DPYSL2: variants seen among roughly 807,000 people sequenced by gnomAD.
DPYSL2 encodes the protein dihydropyrimidinase-related protein 2.
Under a neutral mutation model 69.9 loss-of-function variants are expected in DPYSL2, and 13 were observed. The ratio of observed to expected loss-of-function variants is 0.19; its 90% CI spans 0.12 to 0.30. The LOEUF is 0.30. DPYSL2 is among the 10% of genes least tolerant of loss of function. The probability of loss-of-function intolerance (pLI) is 1.00; values close to 1 mark genes in which losing one functional copy is unlikely to be tolerated. For synonymous variants in DPYSL2, 326 were observed against 359.1 expected, an observed-to-expected ratio of 0.91 and a Z score of 1.04; for missense variants, 587 against 918.9, an observed-to-expected ratio of 0.64 and a Z score of 4.67.
Position 26,583,949 on chromosome 8 carries a change from C to T in DPYSL2, c.594C>T (p.Thr198=). 1 of 1,614,076 alleles carries T rather than the reference C, an allele frequency of 6.2e-7. No individual in the cohort carries two copies. Among genetic ancestry groups the T allele is most frequent in the Non-Finnish European group, 8.5e-7 (1 of 1,179,992 alleles). ...CTGCTGATGATTTCTTCCAAGGAAC[C>T]AAGGCGGCCCTGGCTGGGGGAACCA... ...MTSADDFFQG[T]KAALAGGTTM... is the part of the protein sequence containing the mutation. Residue 198 remains threonine (T), a synonymous_variant, in exon 3 of 14, where the codon ACC becomes ACT. Coordinates refer to ENST00000521913, the MANE Select transcript of DPYSL2 (RefSeq NM_001197293.3).
intron 1 of DPYSL2, among the ~76,000 whole-genome samples, chr8:26,538,500 G>A (rs1800631654): frequency 1.3e-5 from 2 of 152,158 alleles, no homozygotes; most frequent in African/African-American, 2.4e-5. Flanking sequence ...GAGGACCTCA[G>A]TGGTCCTCAT....
intron 3 of DPYSL2, among the ~76,000 whole-genome samples, chr8:26,590,936 C>T (rs974957580): frequency 5.9e-5 from 9 of 152,244 alleles, no homozygotes; most frequent in Non-Finnish European, 1.2e-4. Flanking sequence ...AACTTCTAGG[C>T]CCTTCCAGAA....
chr8:26,554,709 C>CT (rs1800917638), intron 1 of DPYSL2, among the ~76,000 whole-genome samples: 1 of 152,048 alleles, frequency 6.6e-6, no homozygotes, highest in East Asian at 1.9e-4. Context: ...GTAAATCATA[C>CT]CAATTCTCTA....
At position 26,517,663 on chromosome 8, in the gene DPYSL2, C is replaced by A. The variant is rs763579989; in HGVS notation, c.354+2984C>A. On this transcript the variant is annotated intron_variant, in intron 1 of 13. Transcript: ENST00000521913. The surrounding 1 kb of genome is among the most constrained non-coding windows in gnomAD (Gnocchi z 4.2). The stretch of plus-strand genomic sequence containing the variant: ...GCGTAGCCAGAACCAGTGGCTCCAC[C>A]AGCAATACTGGACCATAAGAATGCT... 2.0e-5 allele frequency among the ~76,000 whole-genome samples: 3 copies of A among 152,176 alleles called. No homozygotes were observed. Among genetic ancestry groups the A allele is most frequent in the Non-Finnish European group, 4.4e-5 (3 of 68,042 alleles).
At chr8:26,522,824 A>G (rs183508743) in intron 1 of DPYSL2, among the ~76,000 whole-genome samples, 2 of 152,260 alleles carry the variant, frequency 1.3e-5, no homozygotes, top group East Asian at 3.9e-4. Flanking sequence ...GATGGTATGC[A>G]AAAGTTTTAA....
chr8:26,615,748 A>G (rs988601802), intron 3 of DPYSL2, among the ~76,000 whole-genome samples: 6 of 152,294 alleles, frequency 3.9e-5, no homozygotes, highest in Admixed American at 2.6e-4. Flanking sequence ...GCTGGGATGT[A>G]TGTTATTTTT....
At chr8:26,536,579 G>T (rs1800596219) in intron 1 of DPYSL2, among the ~76,000 whole-genome samples, 1 of 152,134 alleles carries the variant, frequency 6.6e-6, no homozygotes, top group East Asian at 1.9e-4. Flanking sequence ...GCTGAAAAGG[G>T]AGAATCGCCT....
In DPYSL2 at chr8:26,577,983, C is replaced by T. The variant is rs2129715495; in HGVS notation, c.355-3986C>T. The T allele has an allele frequency of 4.6e-6, 6 of 1,312,630 alleles. No homozygotes were observed. The South Asian group carries it at 1.0e-4, about 22-fold the overall frequency. The allele number at this position is 1,312,630 out of a possible 1,614,324, so 81.3% of individuals were successfully genotyped here. A position where few individuals can be genotyped will look rare whatever the true frequency, so the allele number is the denominator to read the frequency against. Reference sequence around the variant, plus strand: ...ATTTCCACCCCCTTCCCTCCTGTTTCTCTCTCTCCTTCTCTCTCTCTCTCT... The same window carrying T: ...ATTTCCACCCCCTTCCCTCCTGTTTTTCTCTCTCCTTCTCTCTCTCTCTCT... On this transcript the variant is annotated intron_variant, in intron 1 of 13. Transcript: ENST00000521913.
chr8:26,544,411 T>G (rs1228980214), intron 1 of DPYSL2, among the ~76,000 whole-genome samples: 1 of 152,240 alleles, frequency 6.6e-6, no homozygotes. Context: ...ATATGAATTT[T>G]ACAAAAGGAT....
intron 1 of DPYSL2, among the ~76,000 whole-genome samples, chr8:26,552,375 A>G (rs1800885315): frequency 6.6e-6 from 1 of 152,232 alleles, no homozygotes; most frequent in Non-Finnish European, 1.5e-5. Context: ...ACAGAAGAAA[A>G]GAAATAATAA....
Position 26,644,875 on chromosome 8 carries a change from A to G in DPYSL2, c.1425+784A>G, listed in dbSNP as rs1367884131. On this transcript the variant is annotated intron_variant, in intron 10 of 13. Transcript: ENST00000521913. The surrounding 1 kb of genome is among the most constrained non-coding windows in gnomAD (Gnocchi z 4.5). ...CTTTAGAGGATCTTTGGGCTTTTTCATTTTAATGTTTTAAAATATATTAAC... is the reference window on the plus strand; with the variant it reads ...CTTTAGAGGATCTTTGGGCTTTTTCGTTTTAATGTTTTAAAATATATTAAC... Among the ~76,000 whole-genome samples, 2 of 152,120 alleles carry G rather than the reference A, an allele frequency of 1.3e-5. No homozygotes were observed. The highest frequency in any genetic ancestry group is 2.9e-5 in the Non-Finnish European group (2 of 68,014).
chr8:26,525,178 G>A (rs1808456327), intron 1 of DPYSL2, among the ~76,000 whole-genome samples: 1 of 152,022 alleles, frequency 6.6e-6, no homozygotes, highest in Non-Finnish European at 1.5e-5. Context: ...TTATTTACCT[G>A]TGCTTTCTCC....
intron 1 of DPYSL2, among the ~76,000 whole-genome samples, chr8:26,528,136 G>A (rs1808511211): frequency 6.6e-6 from 1 of 152,086 alleles, no homozygotes; most frequent in African/African-American, 2.4e-5. Flanking sequence ...ACTGCCTCAC[G>A]CAACCTGGCA....
At chr8:26,589,594 G>A (rs980309227) in intron 3 of DPYSL2, among the ~76,000 whole-genome samples, 2 of 152,246 alleles carry the variant, frequency 1.3e-5, no homozygotes, top group Non-Finnish European at 2.9e-5. Context: ...GATGGAAGCT[G>A]TCGCTTGCTC....
In DPYSL2 at chr8:26,614,088, C is replaced by T. The variant is rs1802295537; in HGVS notation, c.629-10055C>T. The stretch of plus-strand genomic sequence containing the variant: ...AAGGCTGCGGTCAGCCAGATTGCAC[C>T]ACAGCATTCCGGCTTGGGTGACAGA... On this transcript the variant is annotated intron_variant, in intron 3 of 13. Transcript: ENST00000521913. The surrounding 1 kb of genome is among the most constrained non-coding windows in gnomAD (Gnocchi z 4.9). 6.6e-6 allele frequency among the ~76,000 whole-genome samples: 1 copy of T among 152,128 alleles called. No individual in the cohort carries two copies. Among genetic ancestry groups the T allele is most frequent in the Admixed American group, 6.5e-5 (1 of 15,282 alleles).
At chr8:26,594,457 T>C (rs913659094) in intron 3 of DPYSL2, among the ~76,000 whole-genome samples, 1 of 152,304 alleles carries the variant, frequency 6.6e-6, no homozygotes, top group South Asian at 2.1e-4. Flanking sequence ...AAATCTACCA[T>C]CTATCTATTT....
chr8:26,628,298 G>T (rs1429680407), intron 7 of DPYSL2, among the ~76,000 whole-genome samples: 1 of 152,216 alleles, frequency 6.6e-6, no homozygotes, highest in Non-Finnish European at 1.5e-5. Flanking sequence ...TCACCAAAAC[G>T]TAGTTGGAAG....
intron 3 of DPYSL2, among the ~76,000 whole-genome samples, chr8:26,600,687 A>T (rs1801970901): frequency 1.3e-5 from 2 of 152,072 alleles, no homozygotes; most frequent in Admixed American, 1.3e-4. Context: ...GAGAATGAGT[A>T]CCTGCAACCA....
chr8:26,650,859 C>T lies in DPYSL2; in HGVS notation c.1597-1398C>T, dbSNP rs377245495. On this transcript the variant is annotated intron_variant, in intron 11 of 13. Transcript: ENST00000521913. The surrounding 1 kb of genome is among the most constrained non-coding windows in gnomAD (Gnocchi z 5.3). ...CCAGCCTTGTGGTCTGAATGCATGC[C>T]GCCTGTGTGGTCCAGAACAATGTCA... 3.8e-4 allele frequency among the ~76,000 whole-genome samples: 58 copies of T among 152,298 alleles called. No individual in the cohort carries two copies. The South Asian group carries it at 9.5e-3, about 25-fold the overall frequency.
Sources: allele counts gnomAD v4.1 joint callset (sites outside exome capture counted in the v4.1 genomes callset), GRCh38; gene constraint gnomAD v4.1.1; non-coding constraint Gnocchi (gnomAD v3.1); transcripts MANE v1.5; gene names NCBI Gene and HGNC (gene_info 2026-07-23, HGNC 2026-07-21).